The following CHRD variants were observed in gnomAD, a reference collection of about 807,000 sequenced individuals.
CHRD encodes chordin.
In CHRD, 69 loss-of-function variants were observed where a neutral mutation model predicts 113.7. The ratio of observed to expected loss-of-function variants is 0.61; its 90% CI spans 0.50 to 0.74. The LOEUF (loss-of-function observed/expected upper bound fraction) is 0.74. Ranked by LOEUF, CHRD falls within the 30% of genes least tolerant of loss-of-function variation. CHRD has a pLI of 0.00. For synonymous variants in CHRD, 561 were observed against 540.8 expected (o/e 1.04, Z -0.52); for missense variants, 1,194 against 1,295.8 (o/e 0.92, Z 1.21).
In CHRD at chr3:184,388,774, G is replaced by A; in HGVS notation, c.2709+33G>A. ...GGGAGCAGAGGCTTGTGTGAGGTGG[G>A]TACTGGGAGCCTGGTCTGGAGTAGG... On this transcript the variant is annotated intron_variant, in intron 21 of 22. Transcript: ENST00000204604. The surrounding 1 kb of genome is among the most constrained non-coding windows in gnomAD (Gnocchi z 6.1). 2 of 1,611,634 alleles carry A rather than the reference G, an allele frequency of 1.2e-6. No individual in the cohort carries two copies.
chr3:184,384,750 G>A lies in CHRD; in HGVS notation c.1597+57G>A, dbSNP rs1716016790. 7.3e-6 allele frequency: 11 copies of A among 1,500,612 alleles called. No individual in the cohort carries two copies. The highest frequency in any genetic ancestry group is 1.8e-4 in the Middle Eastern group (1 of 5,474). The allele number at this position is 1,500,612 out of a possible 1,614,324, so 93.0% of individuals were successfully genotyped here. On this transcript the variant is annotated intron_variant, in intron 13 of 22. Coordinates refer to ENST00000204604, the Ensembl canonical transcript of CHRD. This position sits in a 1 kb window ranked among gnomAD's most constrained non-coding sequence, Gnocchi z 4.4. ...GGTTTCCTAGAACATTTGAGGGATGGTGGCAGACAGCCGGAGCCTGGTGTG... is the reference window on the plus strand; with the variant it reads ...GGTTTCCTAGAACATTTGAGGGATGATGGCAGACAGCCGGAGCCTGGTGTG...
At chr3:184,383,733 A>T in intron 12 of CHRD, 91 bp downstream of exon 12, 1 of 1,280,176 alleles carries the variant, frequency 7.8e-7, no homozygotes, top group Non-Finnish European at 1.1e-6. Flanking sequence ...ATTATCATCC[A>T]CTCACTCATG....
At chr3:184,386,064 G>A in exon 15 of CHRD, 1 of 1,614,190 alleles carries the variant, frequency 6.2e-7, no homozygotes, top group Non-Finnish European at 8.5e-7. Context: ...TGTGGTGAAG[G>A]ACCTGGAGCC....
rs1458633888 is a variant in CHRD at position 184,380,574 on chromosome 3, C to T, written c.148+108C>T. On this transcript the variant is annotated intron_variant, in intron 1 of 22. Transcript: ENST00000204604. This position sits in a 1 kb window ranked among gnomAD's most constrained non-coding sequence, Gnocchi z 6.3. ...AGGTGGCTCGGCGCGGCGGGCGGCC[C>T]GGAGGGTGGGCGGGGGCAGAAGGGC... 2 of 1,040,026 alleles carry T rather than the reference C, an allele frequency of 1.9e-6. No individual in the cohort carries two copies. Among genetic ancestry groups the T allele is most frequent in the South Asian group, 4.6e-5 (1 of 21,954 alleles). 64.4% of individuals were successfully genotyped at this position (1,040,026 alleles called of 1,614,324 possible).
chr3:184,382,809 T>G, intron 8 of CHRD, 35 bp downstream of exon 8: 1 of 1,612,962 alleles, frequency 6.2e-7, no homozygotes, highest in Non-Finnish European at 8.5e-7. Flanking sequence ...GTGAGAAGGT[T>G]AGGGAGAGCA....
In CHRD at chr3:184,386,618, G is replaced by T. The variant is rs774248268; in HGVS notation, c.2059G>T (p.Ala687Ser). The change falls in exon 16 of 23, where the codon GCC (alanine) becomes TCC (serine). Residue 687 changes from alanine (A) to serine (S), a missense_variant. Coordinates refer to ENST00000204604, the Ensembl canonical transcript of CHRD. ...GCCGCCTGTGGTGCCTGGTCTCCCGGCCCTAGCGCCCGCCAAACCTGGTGG... is the reference window on the plus strand; with the variant it reads ...GCCGCCTGTGGTGCCTGGTCTCCCGTCCCTAGCGCCCGCCAAACCTGGTGG... The T allele has an allele frequency of 7.5e-6, 12 of 1,607,538 alleles. No individual in the cohort carries two copies. In the East Asian group the frequency reaches 1.3e-4, roughly 18 times the overall value.
Position 184,383,523 on chromosome 3 carries a change from G to C in CHRD, c.1321G>C (p.Val441Leu), listed in dbSNP as rs767828888. The C allele has an allele frequency of 2.5e-6, 4 of 1,614,032 alleles. No homozygotes were observed. In the South Asian group the frequency reaches 4.4e-5, roughly 18 times the overall value. Reference sequence around the variant, plus strand: ...GCCCTCCTCCATCCCTGCCCATCAGGTGCAAGTGGTAGGGACAAGCAGTGA... The same window carrying C: ...GCCCTCCTCCATCCCTGCCCATCAGCTGCAAGTGGTAGGGACAAGCAGTGA... Residue 441 changes from valine to leucine, a missense_variant and splice_region_variant, in exon 12 of 23, where the codon GTG (valine) becomes CTG (leucine). Transcript: ENST00000204604.
chr3:184,386,156 G>A (rs1165865118), exon 15 of CHRD: 1 of 1,614,012 alleles, frequency 6.2e-7, no homozygotes, highest in Non-Finnish European at 8.5e-7. Context: ...AGCTCCGAGG[G>A]CAGGTAGGTG....
At position 184,384,130 on chromosome 3, in the gene CHRD, T is replaced by C. The variant is rs1715914356; in HGVS notation, c.1441-407T>C. ...AGGGACTAGAGTACAAAGCAAATCA[T>C]ATGTGGCCCCTGTGCTTAGCAAGCT... is the stretch of plus-strand genomic sequence containing the variant. On this transcript the variant is annotated intron_variant, in intron 12 of 22. Coordinates refer to ENST00000204604, the Ensembl canonical transcript of CHRD. The surrounding 1 kb of genome is among the most constrained non-coding windows in gnomAD (Gnocchi z 4.4). Among the ~76,000 whole-genome samples, 1 of 152,190 alleles carries C rather than the reference T, an allele frequency of 6.6e-6. No homozygotes were observed. Among genetic ancestry groups the C allele is most frequent in the Non-Finnish European group, 1.5e-5 (1 of 68,048 alleles).
Position 184,380,860 on chromosome 3 carries a change from G to A in CHRD, c.252+65G>A. ...GGGAGCGCCGGGTCGCGCGGGCGTC[G>A]GAGTGGACTCGGAGCTGCTGAGAAG... On this transcript the variant is annotated intron_variant, in intron 2 of 22. Transcript: ENST00000204604. The surrounding 1 kb of genome is among the most constrained non-coding windows in gnomAD (Gnocchi z 6.3). 1.6e-6 allele frequency: 2 copies of A among 1,237,402 alleles called. No homozygotes were observed. Among genetic ancestry groups the A allele is most frequent in the East Asian group, 2.5e-5 (1 of 40,346 alleles). The allele number at this position is 1,237,402 out of a possible 1,614,324, so 76.7% of individuals were successfully genotyped here.
In CHRD at chr3:184,388,328, GATGCATCCATCC is replaced by G. The variant is rs1183998450; in HGVS notation, c.2555-244_2555-233del. Among the ~76,000 whole-genome samples the G allele has an allele frequency of 2.2e-5, 3 of 137,232 alleles. No individual in the cohort carries two copies. The highest frequency in any genetic ancestry group is 1.4e-4 in the Admixed American group (2 of 13,890). The allele number at this position is 137,232 out of a possible 152,430, so 90.0% of individuals were successfully genotyped here. ...CCACCCATACAACCATCCACCCATT[GATGCATCCATCC>G]ATGCATCCATCCATCCCTCCATCCA... On this transcript the variant is annotated intron_variant, in intron 20 of 22. Coordinates refer to ENST00000204604, the Ensembl canonical transcript of CHRD. This position sits in a 1 kb window ranked among gnomAD's most constrained non-coding sequence, Gnocchi z 6.1.
In CHRD at chr3:184,388,024, C is replaced by A. The variant is rs764769637; in HGVS notation, c.2545C>A (p.Gln849Lys). The change falls in exon 20 of 23, where the codon CAG (glutamine) becomes AAG (lysine). Residue 849 changes from glutamine to lysine, a missense_variant. Transcript: ENST00000204604. This position sits in a 1 kb window ranked among gnomAD's most constrained non-coding sequence, Gnocchi z 6.1. ...TGTCAACCCCACCGACTGCTGCAAA[C>A]AGTGTCCAGGTGAGAGAGGTGGCTG... 6.2e-7 allele frequency: 1 copy of A among 1,613,384 alleles called. No homozygotes were observed. Among genetic ancestry groups the A allele is most frequent in the Non-Finnish European group, 8.5e-7 (1 of 1,179,816 alleles).
exon 16 of CHRD, chr3:184,386,519 G>C (rs771020442): frequency 1.3e-6 from 2 of 1,537,954 alleles, no homozygotes; most frequent in Non-Finnish European, 1.7e-6. Context: ...ATGTGAGGTT[G>C]GCGGACTGCG....
chr3:184,384,895 C>A lies in CHRD; in HGVS notation c.1598-123C>A. The stretch of plus-strand genomic sequence containing the variant: ...GTCTAAAACTTGCTGCTCTCCAGGC[C>A]CTGGACCTATGGACAGTGTCTTCCA... On this transcript the variant is annotated intron_variant, in intron 13 of 22. Coordinates refer to ENST00000204604, the Ensembl canonical transcript of CHRD. The surrounding 1 kb of genome is among the most constrained non-coding windows in gnomAD (Gnocchi z 4.4). 8.0e-7 allele frequency: 1 copy of A among 1,253,038 alleles called. No individual in the cohort carries two copies. The allele number at this position is 1,253,038 out of a possible 1,614,324, so 77.6% of individuals were successfully genotyped here.
chr3:184,387,388 G>A lies in CHRD; in HGVS notation c.2362G>A (p.Gly788Ser). Reference sequence around the variant, plus strand: ...TTCCCCACCAGGCTGCTATTTTGATGGTGACCGGAGCTGGCGGGCAGCGGG... The same window carrying A: ...TTCCCCACCAGGCTGCTATTTTGATAGTGACCGGAGCTGGCGGGCAGCGGG... Residue 788 changes from glycine to serine, a missense_variant, in exon 19 of 23, where the codon GGT becomes AGT. By Grantham distance (56) the Gly-to-Ser change is moderately conservative (BLOSUM62 0). Coordinates refer to ENST00000204604, the Ensembl canonical transcript of CHRD. The surrounding 1 kb of genome is among the most constrained non-coding windows in gnomAD (Gnocchi z 6.1). 1 of 1,611,294 alleles carries A rather than the reference G, an allele frequency of 6.2e-7. No individual in the cohort carries two copies. Among genetic ancestry groups the A allele is most frequent in the South Asian group, 1.1e-5 (1 of 90,638 alleles).
chr3:184,381,296 A>G lies in CHRD; in HGVS notation c.314A>G (p.Glu105Gly), dbSNP rs760225685. 1.9e-6 allele frequency: 3 copies of G among 1,612,276 alleles called. No homozygotes were observed. Among genetic ancestry groups the G allele is most frequent in the Admixed American group, 1.7e-5 (1 of 59,920 alleles). Residue 105 changes from glutamate to glycine, a missense_variant, in exon 3 of 23, where the codon GAG (glutamate) becomes GGG (glycine). By Grantham distance (98) the Glu-to-Gly change is moderately conservative (BLOSUM62 -2). Transcript: ENST00000204604. The surrounding 1 kb of genome is among the most constrained non-coding windows in gnomAD (Gnocchi z 4.7). ...GTCAGCTGCAAGAACATCAAACCAGAGTGCCCAACCCCGGCCTGTGGGCAG... is the reference window on the plus strand; with the variant it reads ...GTCAGCTGCAAGAACATCAAACCAGGGTGCCCAACCCCGGCCTGTGGGCAG...
intron 15 of CHRD, 132 bp downstream of exon 15, chr3:184,386,291 G>T (rs575804816): frequency 8.3e-5 from 102 of 1,226,880 alleles, no homozygotes; most frequent in Middle Eastern, 5.6e-4. Flanking sequence ...CCCCCGGCTG[G>T]TGGGGAGGAT....
chr3:184,388,901 G>T lies in CHRD; in HGVS notation c.2718G>T (p.Val906=). 1 of 1,613,100 alleles carries T rather than the reference G, an allele frequency of 6.2e-7. No homozygotes were observed. Among genetic ancestry groups the T allele is most frequent in the Non-Finnish European group, 8.5e-7 (1 of 1,179,688 alleles). The change falls in exon 22 of 23, where the codon GTG becomes GTT. Residue 906 remains valine, a synonymous_variant. Coordinates refer to ENST00000204604, the Ensembl canonical transcript of CHRD. This position sits in a 1 kb window ranked among gnomAD's most constrained non-coding sequence, Gnocchi z 6.1. ...GCTCTGTCTTGTACCAGGCAGGGGT[G>T]CCTCACTGTGAGCGGGATGACTGTT... is the stretch of plus-strand genomic sequence containing the variant.
Position 184,385,013 on chromosome 3 carries a change from C to A in CHRD, c.1598-5C>A. On this transcript the variant is annotated splice_region_variant and splice_polypyrimidine_tract_variant and intron_variant, in intron 13 of 22. Transcript: ENST00000204604. The stretch of plus-strand genomic sequence containing the variant: ...ACCTGTCATCTCTCCTCTGTCTGGA[C>A]CCAGCGCTGCCCGTGCCCCTAGCAG... 1 of 1,613,484 alleles carries A rather than the reference C, an allele frequency of 6.2e-7. No individual in the cohort carries two copies. Among genetic ancestry groups the A allele is most frequent in the Non-Finnish European group, 8.5e-7 (1 of 1,179,808 alleles).
Sources: allele counts gnomAD v4.1 joint callset (sites outside exome capture counted in the v4.1 genomes callset), GRCh38; gene constraint gnomAD v4.1.1; non-coding constraint Gnocchi (gnomAD v3.1); transcripts MANE v1.5; gene names NCBI Gene and HGNC (gene_info 2026-07-23, HGNC 2026-07-21).